Variants in NPC2 observed in about 807,000 individuals in gnomAD.
NPC2 encodes NPC intracellular cholesterol transporter 2.
NPC2 carries 14 observed loss-of-function variants against 17.0 expected under a neutral mutation model. The ratio of observed to expected loss-of-function variants is 0.82; its 90% CI spans 0.54 to 1.29. The LOEUF (loss-of-function observed/expected upper bound fraction) is 1.29, where lower values mean the gene tolerates loss of function less well. Among genes scored for constraint, NPC2 ranks in the 50% most tolerant of loss-of-function variants. The pLI, the probability that NPC2 is intolerant of heterozygous loss-of-function variation, is 0.00. For synonymous variants in NPC2, 75 were observed against 69.3 expected, an observed-to-expected ratio of 1.08 and a Z score of -0.41; for missense variants, 167 against 183.4, an observed-to-expected ratio of 0.91 and a Z score of 0.52.
Position 74,493,286 on chromosome 14 carries a change from A to G in NPC2, c.-12T>C. The G allele has an allele frequency of 6.2e-7, 1 of 1,612,198 alleles. No individual in the cohort carries two copies. Among genetic ancestry groups the G allele is most frequent in the Non-Finnish European group, 8.5e-7 (1 of 1,179,386 alleles). ...GCCAGGAAACGCATCGCGGATAACG[A>G]AGTTCCAAGCTCGGGAAAGAAGCAG... is the stretch of plus-strand genomic sequence containing the variant. On this transcript the variant is annotated 5_prime_UTR_variant, in exon 1 of 5. Transcript: ENST00000555619. This position sits in a 1 kb window ranked among gnomAD's most constrained non-coding sequence, Gnocchi z 4.1.
intron 3 of NPC2, chr14:74,483,072 G>A (rs1481128599): frequency 6.1e-6 from 8 of 1,315,466 alleles, no homozygotes; most frequent in African/African-American, 1.5e-5. Context: ...ATGACCCAAC[G>A]ATAGAAGATT....
intron 1 of NPC2, among the ~76,000 whole-genome samples, chr14:74,492,546 T>C (rs1018931841): frequency 3.9e-5 from 6 of 152,240 alleles, no homozygotes; most frequent in Non-Finnish European, 1.5e-5. Context: ...CCGACAATTC[T>C]ATAGACTCGA....
In NPC2 at chr14:74,493,179, G is replaced by A; in HGVS notation, c.82+14C>T. ...ACAGAGGGCGCGGGAACCTTGGGCG[G>A]GCCTGGGGCTCACCGCAGTCCTTGA... is the stretch of plus-strand genomic sequence containing the variant. On this transcript the variant is annotated intron_variant, in intron 1 of 4. Transcript: ENST00000555619. The surrounding 1 kb of genome is among the most constrained non-coding windows in gnomAD (Gnocchi z 4.1). 6.2e-7 allele frequency: 1 copy of A among 1,602,616 alleles called. No individual in the cohort carries two copies. Among genetic ancestry groups the A allele is most frequent in the Non-Finnish European group, 8.5e-7 (1 of 1,175,930 alleles).
intron 1 of NPC2, 50 bp from the exon 2 acceptor site, chr14:74,486,486 C>G: frequency 6.8e-7 from 1 of 1,470,460 alleles, no homozygotes; most frequent in Non-Finnish European, 9.3e-7. Flanking sequence ...AGAAATAAGC[C>G]AGCTAGGCTG....
intron 1 of NPC2, among the ~76,000 whole-genome samples, chr14:74,489,214 G>A (rs1157424631): frequency 1.3e-5 from 2 of 152,206 alleles, no homozygotes; most frequent in Non-Finnish European, 2.9e-5. Context: ...ACTGCTACCT[G>A]AGTCTGGGTT....
At chr14:74,485,792 A>G (rs1472644283) in intron 2 of NPC2, among the ~76,000 whole-genome samples, 2 of 152,330 alleles carry the variant, frequency 1.3e-5, no homozygotes, top group South Asian at 4.1e-4. Flanking sequence ...AGTTCCAATG[A>G]TATTTCTTGA....
At position 74,493,173 on chromosome 14, in the gene NPC2, T is replaced by C. The variant is rs747868927; in HGVS notation, c.82+20A>G. ...CCTTCCACAGAGGGCGCGGGAACCT[T>C]GGGCGGGCCTGGGGCTCACCGCAGT... On this transcript the variant is annotated intron_variant, in intron 1 of 4. Coordinates refer to ENST00000555619, the MANE Select transcript of NPC2 (RefSeq NM_006432.5). This position sits in a 1 kb window ranked among gnomAD's most constrained non-coding sequence, Gnocchi z 4.1. The C allele has an allele frequency of 1.9e-6, 3 of 1,598,888 alleles. No individual in the cohort carries two copies. Among genetic ancestry groups the C allele is most frequent in the Non-Finnish European group, 2.6e-6 (3 of 1,174,120 alleles).
Position 74,493,262 on chromosome 14 carries a change from C to T in NPC2, c.13G>A (p.Ala5Thr). The T allele has an allele frequency of 6.2e-7, 1 of 1,613,296 alleles. No individual in the cohort carries two copies. Among genetic ancestry groups the T allele is most frequent in the Non-Finnish European group, 8.5e-7 (1 of 1,179,718 alleles). The change falls in exon 1 of 5, where the codon GCA becomes ACA. Residue 5 changes from alanine to threonine, a missense_variant. Ala to Thr is a moderately conservative substitution (Grantham distance 58). Coordinates refer to ENST00000555619, the MANE Select transcript of NPC2 (RefSeq NM_006432.5). This position sits in a 1 kb window ranked among gnomAD's most constrained non-coding sequence, Gnocchi z 4.1. Reference sequence around the variant, plus strand: ...AGCGCCAGGAGCAGGAATGTAGCTGCCAGGAAACGCATCGCGGATAACGAA... The same window carrying T: ...AGCGCCAGGAGCAGGAATGTAGCTGTCAGGAAACGCATCGCGGATAACGAA... MRFL[A>T]ATFLLLALST...
Position 74,486,424 on chromosome 14 carries a change from C to T in NPC2, c.95G>A (p.Gly32Glu). The change falls in exon 2 of 5, where the codon GGA becomes GAA. Residue 32 changes from glycine (G) to glutamate (E), a missense_variant. Gly to Glu is a moderately conservative substitution (Grantham distance 98). Transcript: ENST00000555619. The part of the protein sequence containing the change: ...VQFKDCGSVD[G>E]VIKEVNVSPC... ...GCTCACATTCACTTCCTTTATAACT[C>T]CATCCACAGAACCTGCAAAAGAAAA... The T allele has an allele frequency of 6.3e-7, 1 of 1,594,616 alleles. No individual in the cohort carries two copies. Among genetic ancestry groups the T allele is most frequent in the Non-Finnish European group, 8.5e-7 (1 of 1,169,758 alleles).
At chr14:74,480,892 A>G in intron 3 of NPC2, 113 bp from the exon 4 acceptor site, 1 of 905,664 alleles carries the variant, frequency 1.1e-6, no homozygotes, top group South Asian at 1.3e-5. Flanking sequence ...AACTCCTCAT[A>G]CTTTTTTTCT....
rs1381993869 is a variant in NPC2, at chr14:74,493,269, A to G, written c.6T>C (p.Arg2=). M[R]FLAATFLLLA... is the part of the protein sequence containing the mutation. ...GGAGCAGGAATGTAGCTGCCAGGAAACGCATCGCGGATAACGAAGTTCCAA... is the reference window on the plus strand; with the variant it reads ...GGAGCAGGAATGTAGCTGCCAGGAAGCGCATCGCGGATAACGAAGTTCCAA... The change falls in exon 1 of 5, where the codon CGT becomes CGC. Residue 2 remains arginine (R), a synonymous_variant. Transcript: ENST00000555619. The surrounding 1 kb of genome is among the most constrained non-coding windows in gnomAD (Gnocchi z 4.1). 3.1e-6 allele frequency: 5 copies of G among 1,613,078 alleles called. No homozygotes were observed.
In NPC2 at chr14:74,493,043, C is replaced by T. The variant is rs1595228777; in HGVS notation, c.82+150G>A. The T allele has an allele frequency of 3.0e-6, 3 of 995,324 alleles. No homozygotes were observed. The highest frequency in any genetic ancestry group is 3.3e-5 in the African/African-American group (2 of 61,368). 61.7% of individuals were successfully genotyped at this position (995,324 alleles called of 1,614,324 possible). On this transcript the variant is annotated intron_variant, in intron 1 of 4. Coordinates refer to ENST00000555619, the MANE Select transcript of NPC2 (RefSeq NM_006432.5). The surrounding 1 kb of genome is among the most constrained non-coding windows in gnomAD (Gnocchi z 4.1). ...TTCATGGAGGCCGGCGCCTTCTCCC[C>T]CGACCCAGCCCATTCCAGTTAGGTA...
chr14:74,489,554 CTGTG>C (rs2086749299), intron 1 of NPC2, among the ~76,000 whole-genome samples: 1 of 144,012 alleles, frequency 6.9e-6, no homozygotes, highest in Non-Finnish European at 1.5e-5. Context: ...GTGTGTGTGT[CTGTG>C]TGTGTATGTA....
At chr14:74,487,860 A>C (rs1258746759) in intron 1 of NPC2, among the ~76,000 whole-genome samples, 1 of 152,238 alleles carries the variant, frequency 6.6e-6, no homozygotes, top group Non-Finnish European at 1.5e-5. Context: ...ATCTGAAGAA[A>C]ACATCTCACA....
chr14:74,491,094 G>A (rs2086766584), intron 1 of NPC2, among the ~76,000 whole-genome samples: 1 of 152,022 alleles, frequency 6.6e-6, no homozygotes, highest in African/African-American at 2.4e-5. Flanking sequence ...ATTTTTTTGA[G>A]ACGGAGTCTT....
intron 1 of NPC2, among the ~76,000 whole-genome samples, chr14:74,489,829 T>C (rs1262707285): frequency 1.3e-5 from 2 of 152,222 alleles, no homozygotes; most frequent in African/African-American, 2.4e-5. Context: ...CTATCTCTGC[T>C]ACTTACTGTA....
chr14:74,488,010 C>T (rs1003334951), intron 1 of NPC2, among the ~76,000 whole-genome samples: 1 of 152,162 alleles, frequency 6.6e-6, no homozygotes, highest in South Asian at 2.1e-4. Context: ...CCCTTGTTAC[C>T]GGAACCTGAA....
chr14:74,486,335 T>C lies in NPC2; in HGVS notation c.184A>G (p.Thr62Ala), dbSNP rs748877887. The change falls in exon 2 of 5, where the codon ACC (threonine) becomes GCC (alanine). Residue 62 changes from threonine (T) to alanine (A), a missense_variant. Thr to Ala is a moderately conservative substitution (Grantham distance 58). Transcript: ENST00000555619. Reference sequence around the variant, plus strand: ...AAGAGCCACTTTTACGCACTGCTGGTGAAGGTGACATTGACGCTGTAAGAC... The same window carrying C: ...AAGAGCCACTTTTACGCACTGCTGGCGAAGGTGACATTGACGCTGTAAGAC... The part of the protein sequence containing the change: ...GQSYSVNVTF[T>A]SNIQSKSSKA... The C allele has an allele frequency of 6.3e-7, 1 of 1,594,308 alleles. No homozygotes were observed. The highest frequency in any genetic ancestry group is 1.8e-5 in the Admixed American group (1 of 57,038).
At chr14:74,480,889 C>A in intron 3 of NPC2, 110 bp from the exon 4 acceptor site, 1 of 926,220 alleles carries the variant, frequency 1.1e-6, no homozygotes, top group Non-Finnish European at 1.8e-6. Context: ...CCTAACTCCT[C>A]ATACTTTTTT....
Sources: gnomAD v4.1 joint callset for allele counts (sites outside exome capture counted in the v4.1 genomes callset) on GRCh38, gnomAD v4.1.1 for gene constraint, Gnocchi (gnomAD v3.1) non-coding constraint, MANE v1.5 for transcripts, NCBI Gene and HGNC (gene_info 2026-07-23, HGNC 2026-07-21) for gene names.